FAT3: variants seen among roughly 807,000 people sequenced by gnomAD.
FAT3 encodes the protein FAT atypical cadherin 3.
FAT3 carries 95 observed loss-of-function variants against 310.2 expected under a neutral mutation model. The ratio of observed to expected loss-of-function variants is 0.31; its 90% CI spans 0.26 to 0.36. FAT3 has a LOEUF of 0.36. Among genes scored for constraint, FAT3 ranks in the 10% least tolerant of loss-of-function variants. The pLI is 1.00. For missense variants in FAT3, 5,408 were observed against 5,715.6 expected, an observed-to-expected ratio of 0.95 and a Z score of 1.74; for synonymous variants, 2,314 against 2,192.9, an observed-to-expected ratio of 1.06 and a Z score of -1.54.
At chr11:92,305,142 A>C (rs1427138950) in intron 1 of FAT3, among the ~76,000 whole-genome samples, 1 of 152,066 alleles carries the variant, frequency 6.6e-6, no homozygotes, top group Non-Finnish European at 1.5e-5. Context: ...TCTGCTGAAG[A>C]ATCTTGAAAT....
chr11:92,709,762 G>C (rs1171244043), intron 4 of FAT3, among the ~76,000 whole-genome samples: 1 of 152,224 alleles, frequency 6.6e-6, no homozygotes, highest in Non-Finnish European at 1.5e-5. Flanking sequence ...GGAGCCCTTG[G>C]GGTGCCAGCT....
chr11:92,610,280 C>A (rs1191562014), intron 3 of FAT3, among the ~76,000 whole-genome samples: 1 of 152,094 alleles, frequency 6.6e-6, no homozygotes, highest in Non-Finnish European at 1.5e-5. Flanking sequence ...GCAAATTTTT[C>A]TTAAGGACAT....
intron 1 of FAT3, among the ~76,000 whole-genome samples, chr11:92,275,413 T>A (rs943399926): frequency 6.6e-6 from 1 of 152,090 alleles, no homozygotes; most frequent in African/African-American, 2.4e-5. Flanking sequence ...CTTATTTTTT[T>A]TTCTAAATGC....
chr11:92,438,670 T>C (rs1200243809), intron 2 of FAT3, among the ~76,000 whole-genome samples: 1 of 152,178 alleles, frequency 6.6e-6, no homozygotes, highest in Non-Finnish European at 1.5e-5. Context: ...TAGGATATTA[T>C]TGCTGTGATG....
chr11:92,536,163 C>A (rs1277444435), intron 3 of FAT3, among the ~76,000 whole-genome samples: 1 of 151,938 alleles, frequency 6.6e-6, no homozygotes, highest in Non-Finnish European at 1.5e-5. Context: ...TTTTAAAAAT[C>A]CATAAACTTT....
intron 1 of FAT3, among the ~76,000 whole-genome samples, chr11:92,293,042 AAGGAAGGAAGGAAGGAAG>A (rs1333308755): frequency 0.012 from 1,645 of 135,142 alleles, 39 homozygotes; most frequent in African/African-American, 0.044. Context: ...GGAAGGAAGG[AAGGAAGGAAGGAAGGAAG>A]GAAGGAAGGA....
chr11:92,652,354 C>A (rs1942411357), intron 3 of FAT3, among the ~76,000 whole-genome samples: 1 of 152,198 alleles, frequency 6.6e-6, no homozygotes, highest in Admixed American at 6.5e-5. Context: ...GTTAGATATT[C>A]AAATAACATA....
At chr11:92,398,527 A>G (rs1949938603) in intron 2 of FAT3, among the ~76,000 whole-genome samples, 1 of 148,348 alleles carries the variant, frequency 6.7e-6, no homozygotes, top group Non-Finnish European at 1.5e-5. Flanking sequence ...AAAAAAAGTC[A>G]TCTTTTTATA....
chr11:92,482,455 C>T (rs1014326237), intron 2 of FAT3, among the ~76,000 whole-genome samples: 1 of 152,044 alleles, frequency 6.6e-6, no homozygotes, highest in African/African-American at 2.4e-5. Context: ...TCCATTTTAC[C>T]ACTGAAGAAA....
intron 2 of FAT3, among the ~76,000 whole-genome samples, chr11:92,413,562 A>G (rs556046370): frequency 6.6e-6 from 1 of 152,176 alleles, no homozygotes; most frequent in Non-Finnish European, 1.5e-5. Flanking sequence ...GATAAAGGAA[A>G]GGTTCAGTTT....
intron 1 of FAT3, among the ~76,000 whole-genome samples, chr11:92,295,304 A>T (rs1342764462): frequency 6.6e-6 from 1 of 152,144 alleles, no homozygotes; most frequent in Admixed American, 6.6e-5. Flanking sequence ...TGCCAAGAGC[A>T]CTTATGGAAG....
intron 2 of FAT3, among the ~76,000 whole-genome samples, chr11:92,499,735 G>A (rs200695829): frequency 2.4e-4 from 36 of 150,948 alleles, no homozygotes; most frequent in South Asian, 1.5e-3. Context: ...GTGTGTGTGT[G>A]TGTGTGTGTG....
At chr11:92,600,428 G>A (rs1021376856) in intron 3 of FAT3, among the ~76,000 whole-genome samples, 1 of 152,166 alleles carries the variant, frequency 6.6e-6, no homozygotes, top group African/African-American at 2.4e-5. Context: ...GGACAAGTAT[G>A]TTTATAATAA....
intron 2 of FAT3, among the ~76,000 whole-genome samples, chr11:92,416,094 A>AG (rs1950405265): frequency 7.4e-6 from 1 of 135,522 alleles, no homozygotes; most frequent in African/African-American, 3.1e-5. Context: ...AAAAAAAAAA[A>AG]GTCCGGCATG....
rs774939607 is a variant in FAT3, at chr11:92,765,043, G to T, written c.4149G>T (p.Val1383=). Residue 1383 remains valine, a synonymous_variant, in exon 6 of 28, where the codon GTG becomes GTT. Transcript: ENST00000525166. The stretch of plus-strand genomic sequence containing the variant: ...ATAGAGTGACTGAAATTGTAGGGGT[G>T]GTGTCTGTGCAGCCAGCTAACACCC... ...ESDRVTEIVG[V]VSVQPANTPL... The T allele has an allele frequency of 1.9e-6, 3 of 1,613,586 alleles. No individual in the cohort carries two copies. Among genetic ancestry groups the T allele is most frequent in the South Asian group, 2.2e-5 (2 of 91,078 alleles).
intron 2 of FAT3, among the ~76,000 whole-genome samples, chr11:92,450,973 G>A (rs576014089): frequency 7.7e-4 from 117 of 152,180 alleles, no homozygotes; most frequent in African/African-American, 2.8e-3. Context: ...TTGAAATTTA[G>A]TTTCAAGATA....
chr11:92,642,546 A>C (rs1942002102), intron 3 of FAT3, among the ~76,000 whole-genome samples: 1 of 152,234 alleles, frequency 6.6e-6, no homozygotes, highest in African/African-American at 2.4e-5. Context: ...GACTATATTT[A>C]AATCAGCAAG....
chr11:92,800,010 A>C lies in FAT3; in HGVS notation c.6997A>C (p.Ser2333Arg). 1 of 1,613,978 alleles carries C rather than the reference A, an allele frequency of 6.2e-7. No individual in the cohort carries two copies. Among genetic ancestry groups the C allele is most frequent in the Non-Finnish European group, 8.5e-7 (1 of 1,179,868 alleles). ...TCAGATTGTCCAGGATACCTACAAT[A>C]GCACAGATTATTTTCACATAGATAG... Reference protein sequence around the residue: ...HYQIVQDTYNSTDYFHIDSSS... With the variant: ...HYQIVQDTYNRTDYFHIDSSS... Residue 2333 changes from serine to arginine, a missense_variant, in exon 10 of 28, where the codon AGC becomes CGC. Ser to Arg is a moderately radical substitution (Grantham distance 110). Coordinates refer to ENST00000525166, the MANE Select transcript of FAT3 (RefSeq NM_001367949.2).
rs544538785 is a variant in FAT3, at chr11:92,268,486, T to G, written c.-18+43312T>G. 6.6e-5 allele frequency among the ~76,000 whole-genome samples: 10 copies of G among 152,190 alleles called. No homozygotes were observed. The East Asian group carries it at 1.9e-3, about 29-fold the overall frequency. On this transcript the variant is annotated intron_variant, in intron 1 of 27. Coordinates refer to ENST00000525166, the MANE Select transcript of FAT3 (RefSeq NM_001367949.2). ...ATAGATTTCCTTTTTTTTTTTTAAT[T>G]TTTAAAAGATAAAAATAATTTTCCT...
Sources: allele counts gnomAD v4.1 joint callset (sites outside exome capture counted in the v4.1 genomes callset), GRCh38; gene constraint gnomAD v4.1.1; transcripts MANE v1.5; gene names NCBI Gene and HGNC (gene_info 2026-07-23, HGNC 2026-07-21).